The following CCDC144A variants were observed in gnomAD, a reference collection of about 807,000 sequenced individuals.
CCDC144A encodes the protein coiled-coil domain-containing protein 144A.
A neutral mutation model predicts 143.8 loss-of-function variants in CCDC144A; 41 were observed. That is an observed-to-expected ratio of 0.29 (90% confidence interval 0.22 to 0.37). CCDC144A has a LOEUF of 0.37. Ranked by LOEUF, CCDC144A falls within the 10% of genes least tolerant of loss-of-function variation. The pLI is 1.00. For missense variants in CCDC144A, 637 were observed against 1,488.8 expected, an observed-to-expected ratio of 0.43 and a Z score of 9.41; for synonymous variants, 242 against 517.9, an observed-to-expected ratio of 0.47 and a Z score of 7.23.
chr17:16,686,100 T>TGG (rs1910772225), upstream of CCDC144A, among the ~76,000 whole-genome samples: 1 of 148,316 alleles, frequency 6.7e-6, no homozygotes, highest in Non-Finnish European at 1.5e-5. Flanking sequence ...TGTTTTTTTT[T>TGG]TTTTTTTTTT....
intron 1 of CCDC144A, among the ~76,000 whole-genome samples, chr17:16,691,159 C>G (rs915506351): frequency 6.6e-6 from 1 of 151,946 alleles, no homozygotes; most frequent in Non-Finnish European, 1.5e-5. Flanking sequence ...ACCAGGCTGA[C>G]CAACATGGTG....
rs1176099028 is a variant in CCDC144A at position 16,776,358 on chromosome 17, G to T, written c.*2725G>T. 6 of 152,246 alleles carry T rather than the reference G, an allele frequency of 3.9e-5. No individual in the cohort carries two copies. Among genetic ancestry groups the T allele is most frequent in the Non-Finnish European group, 7.3e-5 (5 of 68,054 alleles). The allele number at this position is 152,246 out of a possible 1,614,324, so 9.4% of individuals were successfully genotyped here. On this transcript the variant is annotated 3_prime_UTR_variant, in exon 17 of 17. Coordinates refer to ENST00000399273, the MANE Select transcript of CCDC144A (RefSeq NM_001382000.1). The stretch of plus-strand genomic sequence containing the variant: ...TGAGCATATGTTTTTCCATTTGTTT[G>T]TGTCATCTCTGATTTCTTTGAATAA...
intron 2 of CCDC144A, among the ~76,000 whole-genome samples, chr17:16,704,611 T>G (rs974998258): frequency 1.3e-5 from 2 of 152,004 alleles, no homozygotes; most frequent in African/African-American, 4.8e-5. Flanking sequence ...ATGGGAACAG[T>G]TAGAGCCCTT....
intron 8 of CCDC144A, among the ~76,000 whole-genome samples, chr17:16,726,086 A>G (rs1161187634): frequency 6.6e-6 from 1 of 152,122 alleles, no homozygotes. Context: ...TGCTTTAAAG[A>G]AAAATCTTCC....
rs1428535461 is a variant in CCDC144A at position 16,758,461 on chromosome 17, A to T, written c.3373-2964A>T. ...TTCTTGTCAACACAAAGACGTAAGAACTAAAGGGACAACTTGTCTACCACT... is the reference window on the plus strand; with the variant it reads ...TTCTTGTCAACACAAAGACGTAAGATCTAAAGGGACAACTTGTCTACCACT... On this transcript the variant is annotated intron_variant, in intron 12 of 16. Transcript: ENST00000399273. Among the ~76,000 whole-genome samples, 4 of 152,352 alleles carry T rather than the reference A, an allele frequency of 2.6e-5. No individual in the cohort carries two copies. The East Asian group carries it at 7.7e-4, about 29-fold the overall frequency.
intron 12 of CCDC144A, among the ~76,000 whole-genome samples, chr17:16,756,376 TCTC>T (rs1299768000): frequency 6.6e-6 from 1 of 152,132 alleles, no homozygotes; most frequent in African/African-American, 2.4e-5. Flanking sequence ...AATTCATTCT[TCTC>T]CTTGATCTAG....
rs779799177 is a variant in CCDC144A at position 16,708,721 on chromosome 17, A to G, written c.739-75A>G. 1.6e-5 allele frequency: 25 copies of G among 1,593,400 alleles called. No homozygotes were observed. In the African/African-American group the frequency reaches 3.4e-4, roughly 21 times the overall value. On this transcript the variant is annotated intron_variant, in intron 4 of 16. Coordinates refer to ENST00000399273, the MANE Select transcript of CCDC144A (RefSeq NM_001382000.1). ...GTTATTTAAGGACAAAGCTATTTTT[A>G]AAACATGTAGCCCAACAGAGAAGAC...
the CCDC144A span, among the ~76,000 whole-genome samples, chr17:16,669,506 G>A: frequency 6.6e-6 from 1 of 152,172 alleles, no homozygotes; most frequent in African/African-American, 2.4e-5. Context: ...ATATTTCTGT[G>A]TGTGCTTAAG....
chr17:16,758,142 C>T (rs1356952290), intron 12 of CCDC144A, among the ~76,000 whole-genome samples: 1 of 152,204 alleles, frequency 6.6e-6, no homozygotes, highest in South Asian at 2.1e-4. Context: ...AATGTATAGA[C>T]GTGTTTTAAA....
intron 12 of CCDC144A, chr17:16,746,271 C>CTTT (rs141884494): frequency 0.018 from 13,880 of 775,658 alleles, 96 homozygotes; most frequent in African/African-American, 0.037. Flanking sequence ...CTCTCTCTCT[C>CTTT]TTTTTTTTTT....
chr17:16,760,510 C>T (rs1326396482), intron 12 of CCDC144A, among the ~76,000 whole-genome samples: 1 of 133,590 alleles, frequency 7.5e-6, no homozygotes, highest in African/African-American at 3.3e-5. Flanking sequence ...GATCATGCCA[C>T]TGAACTTTTA....
chr17:16,667,223 G>C, the CCDC144A span: 9 of 207,986 alleles, frequency 4.3e-5, no homozygotes, highest in Non-Finnish European at 8.7e-5. Context: ...ACGGCGGCGG[G>C]GGCGGCTGAG....
intron 5 of CCDC144A, 72 bp downstream of exon 5, chr17:16,709,707 G>T: frequency 1.3e-6 from 2 of 1,507,238 alleles, no homozygotes. Context: ...TTCCACTTAG[G>T]AAAAGCATAT....
chr17:16,775,551 A>G lies in CCDC144A; in HGVS notation c.*1918A>G, dbSNP rs1462172525. 1.3e-3 allele frequency: 199 copies of G among 151,698 alleles called. No individual in the cohort carries two copies. The highest frequency in any genetic ancestry group is 3.4e-3 in the Admixed American group (51 of 15,122). 9.4% of individuals were successfully genotyped at this position (151,698 alleles called of 1,614,324 possible). A position where few individuals can be genotyped will look rare whatever the true frequency, so the allele number is the denominator to read the frequency against. ...CTTTGACCACTTTCTAATGGGGTTG[A>G]GTTTTTTTTTCTTGTAAATTTGTTT... is the stretch of plus-strand genomic sequence containing the variant. On this transcript the variant is annotated 3_prime_UTR_variant, in exon 17 of 17. Coordinates refer to ENST00000399273, the MANE Select transcript of CCDC144A (RefSeq NM_001382000.1).
In CCDC144A at chr17:16,735,071, A is replaced by G; in HGVS notation, c.2800A>G (p.Arg934Gly). ...VRDCDQSQTA[R>G]DLKLDFQRTR... ...TGACTGTGATCAAAGTCAGACAGCAAGAGACCTAAAACTTGATTTCCAGAG... is the reference window on the plus strand; with the variant it reads ...TGACTGTGATCAAAGTCAGACAGCAGGAGACCTAAAACTTGATTTCCAGAG... The change falls in exon 12 of 17, where the codon AGA becomes GGA. Residue 934 changes from arginine to glycine, a missense_variant. Physicochemically the swap from Arg to Gly is moderately radical, Grantham distance 125 (BLOSUM62 -2). Transcript: ENST00000399273. The G allele has an allele frequency of 1.2e-6, 2 of 1,605,980 alleles. No homozygotes were observed. Among genetic ancestry groups the G allele is most frequent in the Non-Finnish European group, 1.7e-6 (2 of 1,176,886 alleles).
chr17:16,754,625 ATATGAGCT>A (rs1460272129), intron 12 of CCDC144A, among the ~76,000 whole-genome samples: 1 of 152,184 alleles, frequency 6.6e-6, no homozygotes, highest in East Asian at 1.9e-4. Context: ...AAGATATTTG[ATATGAGCT>A]TTTAAACTCA....
At chr17:16,755,913 G>A (rs959254827) in intron 12 of CCDC144A, among the ~76,000 whole-genome samples, 3 of 152,070 alleles carry the variant, frequency 2.0e-5, no homozygotes, top group Non-Finnish European at 2.9e-5. Flanking sequence ...TTCTTGACAG[G>A]CAGTCTTTTT....
chr17:16,690,622 C>A lies in CCDC144A; in HGVS notation c.222C>A (p.His74Gln). Residue 74 changes from histidine to glutamine, a missense_variant, in exon 1 of 17, where the codon CAC becomes CAA. Physicochemically the swap from His to Gln is conservative, Grantham distance 24. Transcript: ENST00000399273. ...AGGGCGCCTTAGACCAGCCCCAGCA[C>A]GACGTCCGCCTGGAAGATCTTGGCG... ...HGEGALDQPQ[H>Q]DVRLEDLGEL... is the part of the protein sequence containing the mutation. 2 of 1,613,748 alleles carry A rather than the reference C, an allele frequency of 1.2e-6. No homozygotes were observed. Among genetic ancestry groups the A allele is most frequent in the Non-Finnish European group, 1.7e-6 (2 of 1,179,868 alleles).
In CCDC144A at chr17:16,709,157, C is replaced by T; in HGVS notation, c.1100C>T (p.Pro367Leu). Residue 367 changes from proline to leucine, a missense_variant, in exon 5 of 17, where the codon CCC becomes CTC. Transcript: ENST00000399273. ...GAGACATTTCCTGAACAAAAAGAACCCAGTCTCAAAAATATCATCCATCCA... is the reference window on the plus strand; with the variant it reads ...GAGACATTTCCTGAACAAAAAGAACTCAGTCTCAAAAATATCATCCATCCA... ...VFETFPEQKEPSLKNIIHPYY... is the reference protein window; with the variant it reads ...VFETFPEQKELSLKNIIHPYY... 1 of 1,611,560 alleles carries T rather than the reference C, an allele frequency of 6.2e-7. No homozygotes were observed. The highest frequency in any genetic ancestry group is 8.5e-7 in the Non-Finnish European group (1 of 1,179,614).
Sources: gnomAD v4.1 joint callset for allele counts (sites outside exome capture counted in the v4.1 genomes callset) on GRCh38, gnomAD v4.1.1 for gene constraint, MANE v1.5 for transcripts, NCBI Gene and HGNC (gene_info 2026-07-23, HGNC 2026-07-21) for gene names.